The following KRCC1 variants were observed in gnomAD, a reference collection of about 807,000 sequenced individuals.
KRCC1 encodes the protein lysine-rich coiled-coil protein 1.
Under a neutral mutation model 7.4 loss-of-function variants are expected in KRCC1, and 3 were observed. The observed-to-expected ratio is 0.40, with a 90% CI of 0.18 to 1.04. KRCC1 has a LOEUF of 1.04. Among genes scored for constraint, KRCC1 ranks in the 50% least tolerant of loss-of-function variants. The pLI is 0.33. For missense variants in KRCC1, 277 were observed against 300.9 expected (o/e 0.92, Z 0.59); for synonymous variants, 102 against 101.6 (o/e 1.00, Z -0.02).
At chr2:88,043,044 C>T (rs916198422) in intron 1 of KRCC1, among the ~76,000 whole-genome samples, 5 of 152,148 alleles carry the variant, frequency 3.3e-5, no homozygotes, top group Non-Finnish European at 5.9e-5. Context: ...CTCCTTCTTA[C>T]GGGTCTGATC....
chr2:88,041,592 A>G (rs1369200930), intron 1 of KRCC1, among the ~76,000 whole-genome samples: 3 of 152,198 alleles, frequency 2.0e-5, no homozygotes, highest in Non-Finnish European at 4.4e-5. Flanking sequence ...AACTAATTGT[A>G]TATGTATCAA....
chr2:88,049,569 G>A (rs960685257), intron 1 of KRCC1, among the ~76,000 whole-genome samples: 5 of 152,156 alleles, frequency 3.3e-5, no homozygotes, highest in Admixed American at 6.5e-5. Flanking sequence ...AATCACCTGA[G>A]CCTGGGGAAG....
At position 88,028,368 on chromosome 2, in the gene KRCC1, C is replaced by G; in HGVS notation, c.196G>C (p.Glu66Gln). 7.4e-6 allele frequency: 12 copies of G among 1,614,136 alleles called. No homozygotes were observed. The highest frequency in any genetic ancestry group is 1.0e-5 in the Non-Finnish European group (12 of 1,180,034). Residue 66 changes from glutamate to glutamine, a missense_variant, in exon 4 of 4, where the codon GAA (glutamate) becomes CAA (glutamine). Transcript: ENST00000347055. ...YRMFDQRLPSETIQTYPRSCN... is the reference protein window; with the variant it reads ...YRMFDQRLPSQTIQTYPRSCN... ...GATCTTGGGTAGGTCTGGATGGTTT[C>G]AGATGGGAGTCTCTGGTCAAACATT...
At chr2:88,034,742 C>T (rs893187456) in intron 2 of KRCC1, among the ~76,000 whole-genome samples, 1 of 152,102 alleles carries the variant, frequency 6.6e-6, no homozygotes, top group Non-Finnish European at 1.5e-5. Flanking sequence ...AACACCAGAA[C>T]TTATTCCTCC....
intron 3 of KRCC1, among the ~76,000 whole-genome samples, chr2:88,031,250 T>A (rs894932806): frequency 2.0e-5 from 3 of 151,958 alleles, no homozygotes; most frequent in Non-Finnish European, 2.9e-5. Context: ...ACAGTGATGA[T>A]GATCCTGAAC....
intron 1 of KRCC1, among the ~76,000 whole-genome samples, chr2:88,046,403 G>GT (rs1369999116): frequency 6.6e-6 from 1 of 152,138 alleles, no homozygotes; most frequent in East Asian, 1.9e-4. Context: ...ATGGAACAAG[G>GT]TAAGTGCTGT....
Position 88,039,990 on chromosome 2 carries a change from C to T in KRCC1, c.-290-2939G>A, listed in dbSNP as rs143700839. 7.6e-3 allele frequency among the ~76,000 whole-genome samples: 1,154 copies of T among 152,232 alleles called. 9 individuals carry two copies. Among genetic ancestry groups the T allele is most frequent in the African/African-American group, 0.026 (1,083 of 41,540 alleles). On this transcript the variant is annotated intron_variant, in intron 1 of 3. Coordinates refer to ENST00000347055, the MANE Select transcript of KRCC1 (RefSeq NM_016618.3). ...GACCAGCCTGGGCAACACATTGAGA[C>T]ATCTGTCTCTACAAAAATAAATCTT...
chr2:88,028,642 CTCTT>C, intron 3 of KRCC1, 57 bp from the exon 4 acceptor site: 17 of 682,106 alleles, frequency 2.5e-5, no homozygotes, highest in Middle Eastern at 3.8e-4. Context: ...ATTTCCTTTG[CTCTT>C]TTTTTTTTTT....
chr2:88,031,741 G>T (rs1412340465), intron 3 of KRCC1, among the ~76,000 whole-genome samples: 1 of 152,058 alleles, frequency 6.6e-6, no homozygotes, highest in Non-Finnish European at 1.5e-5. Context: ...TAACCTAAGT[G>T]TGATTACAAA....
At position 88,028,153 on chromosome 2, in the gene KRCC1, G is replaced by A. The variant is rs776368417; in HGVS notation, c.411C>T (p.Tyr137=). 1.1e-5 allele frequency: 17 copies of A among 1,614,100 alleles called. No homozygotes were observed. In the Admixed American group the frequency reaches 2.0e-4, roughly 19 times the overall value. Residue 137 remains tyrosine (Y), a synonymous_variant, in exon 4 of 4, where the codon TAC becomes TAT. Transcript: ENST00000347055. ...TACTGTTATCTGAGGAGAAGTGCTT[G>A]TAAACTCTATGTTCTACACCATGTG... The part of the protein sequence containing the change: ...CGSHGVEHRV[Y]KHFSSDNSTS...
intron 1 of KRCC1, among the ~76,000 whole-genome samples, chr2:88,053,248 G>A (rs936707724): frequency 2.4e-4 from 36 of 152,174 alleles, no homozygotes; most frequent in African/African-American, 8.4e-4. Flanking sequence ...ACTAGCACTA[G>A]AACCTATAAC....
intron 1 of KRCC1, among the ~76,000 whole-genome samples, chr2:88,048,253 T>C (rs1376170132): frequency 1.3e-5 from 2 of 152,112 alleles, no homozygotes; most frequent in African/African-American, 4.8e-5. Flanking sequence ...TGGCTAATTT[T>C]GTATTTTTAG....
intron 1 of KRCC1, among the ~76,000 whole-genome samples, chr2:88,053,196 G>T (rs1436726291): frequency 2.0e-5 from 3 of 152,002 alleles, no homozygotes; most frequent in Admixed American, 2.0e-4. Flanking sequence ...CTCAAATCCA[G>T]AAAGTGTGGG....
In KRCC1 at chr2:88,036,983, A is replaced by C. The variant is rs1482555064; in HGVS notation, c.-222T>G. On this transcript the variant is annotated 5_prime_UTR_variant, in exon 2 of 4. An upstream open reading frame in the 5' UTR loses its in-frame stop. Coordinates refer to ENST00000347055, the MANE Select transcript of KRCC1 (RefSeq NM_016618.3). ...CCTTTGTTATTTGAACTGTAACACT[A>C]CTCCACAGACATCTTTTATAAAAGG... 1 of 152,052 alleles carries C rather than the reference A, an allele frequency of 6.6e-6. No individual in the cohort carries two copies. Among genetic ancestry groups the C allele is most frequent in the Admixed American group, 6.6e-5 (1 of 15,256 alleles). The allele number at this position is 152,052 out of a possible 1,614,324, so 9.4% of individuals were successfully genotyped here. A position where few individuals can be genotyped will look rare whatever the true frequency, so the allele number is the denominator to read the frequency against.
intron 1 of KRCC1, among the ~76,000 whole-genome samples, chr2:88,045,931 C>T (rs551213864): frequency 9.9e-5 from 15 of 152,224 alleles, no homozygotes; most frequent in Non-Finnish European, 1.8e-4. Context: ...CCACCCACCT[C>T]GGCCTCCCAA....
chr2:88,042,139 C>T (rs1186134118), intron 1 of KRCC1, among the ~76,000 whole-genome samples: 1 of 149,936 alleles, frequency 6.7e-6, no homozygotes, highest in Non-Finnish European at 1.5e-5. Flanking sequence ...CAGCTCACTG[C>T]AAGCTCCGCC....
At chr2:88,053,012 G>A (rs1170280545) in intron 1 of KRCC1, among the ~76,000 whole-genome samples, 3 of 151,950 alleles carry the variant, frequency 2.0e-5, no homozygotes, top group Non-Finnish European at 4.4e-5. Context: ...CATCTTTCAG[G>A]ATTTCAACAT....
chr2:88,054,765 A>G (rs1673574962), intron 1 of KRCC1, among the ~76,000 whole-genome samples: 1 of 152,138 alleles, frequency 6.6e-6, no homozygotes, highest in African/African-American at 2.4e-5. Flanking sequence ...TCCTTTTTCA[A>G]CGCTTTAACG....
intron 1 of KRCC1, among the ~76,000 whole-genome samples, chr2:88,055,112 C>T (rs1451899323): frequency 6.6e-5 from 10 of 151,582 alleles, no homozygotes; most frequent in Non-Finnish European, 1.5e-4. Flanking sequence ...ACCTCATCCC[C>T]TCTTCTCTTC....
Sources: allele counts gnomAD v4.1 joint callset (sites outside exome capture counted in the v4.1 genomes callset), GRCh38; gene constraint gnomAD v4.1.1; transcripts MANE v1.5; gene names NCBI Gene and HGNC (gene_info 2026-07-23, HGNC 2026-07-21).